Variants in SIL1 observed in about 807,000 individuals in gnomAD.
The protein encoded by SIL1 is SIL1 nucleotide exchange factor, also known as nucleotide exchange factor SIL1.
Under a neutral mutation model 49.1 loss-of-function variants are expected in SIL1, and 40 were observed. That is an observed-to-expected ratio of 0.81 (90% CI 0.63 to 1.06). The LOEUF (loss-of-function observed/expected upper bound fraction) is 1.06. Ranked by LOEUF, SIL1 falls within the 50% of genes least tolerant of loss-of-function variation. The pLI is 0.00. For missense variants in SIL1, 500 were observed against 572.6 expected (o/e 0.87, Z 1.29); for synonymous variants, 253 against 250.8 (o/e 1.01, Z -0.08).
chr5:138,987,236 A>G (rs1359785430), intron 7 of SIL1, among the ~76,000 whole-genome samples: 1 of 151,614 alleles, frequency 6.6e-6, no homozygotes, highest in Admixed American at 6.6e-5. Flanking sequence ...CAGCCTCCCA[A>G]GTAGCTGGGA....
intron 1 of SIL1, among the ~76,000 whole-genome samples, chr5:139,171,221 C>A (rs912185208): frequency 1.3e-5 from 2 of 152,048 alleles, no homozygotes; most frequent in Non-Finnish European, 2.9e-5. Context: ...TCATTGAGAA[C>A]GGGCCGGGAT....
chr5:139,164,849 A>G (rs1751584139), intron 1 of SIL1, among the ~76,000 whole-genome samples: 1 of 152,218 alleles, frequency 6.6e-6, no homozygotes, highest in African/African-American at 2.4e-5. Flanking sequence ...CAAACAGTAA[A>G]TTCTCATCAG....
At chr5:139,145,653 T>A (rs1364528106) in intron 1 of SIL1, among the ~76,000 whole-genome samples, 3 of 136,948 alleles carry the variant, frequency 2.2e-5, no homozygotes, top group Non-Finnish European at 4.5e-5. Context: ...TGTGTGTGTG[T>A]GTGTGTGTGT....
chr5:139,113,177 T>C (rs2151789419), intron 3 of SIL1, among the ~76,000 whole-genome samples: 1 of 152,214 alleles, frequency 6.6e-6, no homozygotes, highest in African/African-American at 2.4e-5. Context: ...CGCAGGGTCC[T>C]CTGCCTAGGA....
chr5:139,067,445 A>G (rs577164426), intron 3 of SIL1, among the ~76,000 whole-genome samples: 9 of 152,328 alleles, frequency 5.9e-5, no homozygotes, highest in South Asian at 2.1e-4. Flanking sequence ...TCATAGCTCT[A>G]CAACTGCTCT....
chr5:139,193,366 C>A (rs1049020726), intron 1 of SIL1, among the ~76,000 whole-genome samples: 6 of 152,280 alleles, frequency 3.9e-5, no homozygotes, highest in Admixed American at 3.9e-4. Flanking sequence ...GAGTTCAAGA[C>A]CAGCCTGGCC....
At chr5:139,003,031 AC>A (rs1768022650) in intron 7 of SIL1, among the ~76,000 whole-genome samples, 1 of 152,206 alleles carries the variant, frequency 6.6e-6, no homozygotes, top group Non-Finnish European at 1.5e-5. Context: ...AGAGGTGGAA[AC>A]AATAACAAGG....
At chr5:138,985,614 T>C (rs973992219) in intron 7 of SIL1, among the ~76,000 whole-genome samples, 1 of 152,186 alleles carries the variant, frequency 6.6e-6, no homozygotes, top group Non-Finnish European at 1.5e-5. Flanking sequence ...AAGAACCTCA[T>C]ATCTAGTGCT....
intron 7 of SIL1, among the ~76,000 whole-genome samples, chr5:138,968,067 A>T (rs1245307298): frequency 3.3e-5 from 5 of 152,056 alleles, no homozygotes; most frequent in African/African-American, 1.2e-4. Flanking sequence ...GGCTATAACG[A>T]GCTCCAAACT....
chr5:138,953,124 A>G (rs1766820333), intron 7 of SIL1, among the ~76,000 whole-genome samples: 1 of 152,220 alleles, frequency 6.6e-6, no homozygotes. Flanking sequence ...TACCAAAGCC[A>G]CCGCATGCCT....
At position 138,947,323 on chromosome 5, in the gene SIL1, G is replaced by A. The variant is rs758831626; in HGVS notation, c.1180C>T (p.Arg394Cys). 69 of 1,613,562 alleles carry A rather than the reference G, an allele frequency of 4.3e-5. No homozygotes were observed. The Middle Eastern group carries it at 8.2e-4, about 19-fold the overall frequency. The stretch of plus-strand genomic sequence containing the variant: ...CCCAGTGTCTGCAGCACCTTCTCAC[G>A]GGCATCATGCTCGGGCAGCGCCAGG... ...HLLALPEHDA[R>C]EKVLQTLGVL... The change falls in exon 10 of 10, where the codon CGT becomes TGT. Residue 394 changes from arginine to cysteine, a missense_variant. By Grantham distance (180) the Arg-to-Cys change is radical (BLOSUM62 -3). Transcript: ENST00000394817. The surrounding 1 kb of genome is among the most constrained non-coding windows in gnomAD (Gnocchi z 4.1).
At chr5:139,172,631 C>CAAA (rs57237412) in intron 1 of SIL1, among the ~76,000 whole-genome samples, 4 of 109,352 alleles carry the variant, frequency 3.7e-5, no homozygotes, top group East Asian at 3.6e-4. Flanking sequence ...GACTCCGTCT[C>CAAA]AAAAAAAAAA....
intron 7 of SIL1, among the ~76,000 whole-genome samples, chr5:138,984,726 C>A (rs1004472430): frequency 6.6e-6 from 1 of 152,236 alleles, no homozygotes; most frequent in South Asian, 2.1e-4. Context: ...GGATTACCAA[C>A]CCCTACCATC....
intron 3 of SIL1, among the ~76,000 whole-genome samples, chr5:139,059,824 T>C (rs866579815): frequency 5.9e-5 from 9 of 152,158 alleles, no homozygotes; most frequent in Admixed American, 5.2e-4. Flanking sequence ...ACGGGCTCAT[T>C]TGTCTTCTCA....
intron 3 of SIL1, among the ~76,000 whole-genome samples, chr5:139,072,331 C>T (rs954723662): frequency 3.9e-5 from 6 of 152,034 alleles, no homozygotes; most frequent in African/African-American, 1.2e-4. Context: ...ACACATCCTG[C>T]GAAATAGAGA....
intron 6 of SIL1, among the ~76,000 whole-genome samples, chr5:139,023,084 T>C (rs1331531912): frequency 6.6e-6 from 1 of 152,244 alleles, no homozygotes; most frequent in African/African-American, 2.4e-5. Flanking sequence ...TTATCTACTA[T>C]TACTACAATG....
chr5:139,112,415 G>T (rs1220185471), intron 3 of SIL1, among the ~76,000 whole-genome samples: 2 of 151,600 alleles, frequency 1.3e-5, no homozygotes, highest in East Asian at 2.0e-4. Context: ...TCTCTGCCCG[G>T]CTGCCCATCG....
At chr5:139,070,312 G>GA (rs1581076529) in intron 3 of SIL1, among the ~76,000 whole-genome samples, 1 of 151,506 alleles carries the variant, frequency 6.6e-6, no homozygotes, top group African/African-American at 2.4e-5. Context: ...CTCGGTGTGG[G>GA]AAAAAAAGAG....
intron 4 of SIL1, among the ~76,000 whole-genome samples, chr5:139,048,379 T>TTTTTTTTTTTTTTTG (rs1769215551): frequency 7.0e-6 from 1 of 141,862 alleles, no homozygotes; most frequent in African/African-American, 2.6e-5. Context: ...GTTTTTTTTT[T>TTTTTTTTTTTTTTTG]TTTTTTTTTT....
Sources: allele counts gnomAD v4.1 joint callset (sites outside exome capture counted in the v4.1 genomes callset), GRCh38; gene constraint gnomAD v4.1.1; non-coding constraint Gnocchi (gnomAD v3.1); transcripts MANE v1.5; gene names NCBI Gene and HGNC (gene_info 2026-07-23, HGNC 2026-07-21).